The following RSPH14 variants were observed in gnomAD, a reference collection of about 807,000 sequenced individuals.
RSPH14 encodes the protein radial spoke head 14 homolog.
In RSPH14, 20 loss-of-function variants were observed where a neutral mutation model predicts 26.7. The ratio of observed to expected loss-of-function variants is 0.75; its 90% CI spans 0.53 to 1.09. The LOEUF (loss-of-function observed/expected upper bound fraction) is 1.09. Ranked by LOEUF, RSPH14 falls within the 50% of genes least tolerant of loss-of-function variation. The probability of loss-of-function intolerance (pLI) is 0.00; values close to 1 mark genes in which losing one functional copy is unlikely to be tolerated. For missense variants in RSPH14, 449 were observed against 457.2 expected (o/e 0.98, Z 0.16); for synonymous variants, 177 against 189.3 (o/e 0.93, Z 0.53).
At chr22:23,122,812 A>G (rs1460063685) in intron 4 of RSPH14, 2 of 522,336 alleles carry the variant, frequency 3.8e-6, no homozygotes, top group African/African-American at 3.8e-5. Flanking sequence ...CCAAAGCTAT[A>G]TGTTGAGATC....
At chr22:23,092,055 G>T (rs1235939015) in intron 4 of RSPH14, among the ~76,000 whole-genome samples, 1 of 152,200 alleles carries the variant, frequency 6.6e-6, no homozygotes, top group East Asian at 1.9e-4. Context: ...AGGCACTGTG[G>T]TGGGGGGTCC....
intron 4 of RSPH14, chr22:23,096,497 G>T: frequency 1.4e-6 from 2 of 1,423,092 alleles, no homozygotes; most frequent in South Asian, 1.3e-5. Flanking sequence ...GTGAGGTCCA[G>T]GACAGTCTGC....
At chr22:23,123,649 A>C in intron 4 of RSPH14, 1 of 566,194 alleles carries the variant, frequency 1.8e-6, no homozygotes, top group Non-Finnish European at 3.2e-6. Context: ...ACACACACAC[A>C]TCTGGAGATG....
intron 3 of RSPH14, chr22:23,136,237 T>C (rs2070481433): frequency 2.8e-6 from 2 of 711,936 alleles, no homozygotes; most frequent in South Asian, 3.0e-5. Context: ...CTCTTGTCCG[T>C]GGGATGTCAT....
chr22:23,138,943 C>CTA lies in RSPH14; in HGVS notation c.200-3_200-2dup. On this transcript the variant is annotated splice_acceptor_variant, in intron 2 of 6. Coordinates refer to ENST00000216036, the MANE Select transcript of RSPH14 (RefSeq NM_014433.3). LOFTEE classifies it high-confidence loss of function. ...AAAGCTTTCAGGTTCTCCATACAGC[C>CTA]TAGAAAAAAAAAAAAAAACAAACAA... The CTA allele has an allele frequency of 1.1e-5, 15 of 1,416,276 alleles. No individual in the cohort carries two copies. Among genetic ancestry groups the CTA allele is most frequent in the Non-Finnish European group, 1.3e-5 (14 of 1,063,526 alleles). 87.7% of individuals were successfully genotyped at this position (1,416,276 alleles called of 1,614,324 possible). A position where few individuals can be genotyped will look rare whatever the true frequency, so the allele number is the denominator to read the frequency against.
At chr22:23,086,162 A>G (rs1248005732) in intron 4 of RSPH14, among the ~76,000 whole-genome samples, 2 of 152,266 alleles carry the variant, frequency 1.3e-5, no homozygotes, top group African/African-American at 4.8e-5. Flanking sequence ...AAGGCAGTCA[A>G]TTTAAAGAAA....
In RSPH14 at chr22:23,101,052, A is replaced by G. The variant is rs540573908; in HGVS notation, c.421+32974T>C. Among the ~76,000 whole-genome samples, 3 of 152,344 alleles carry G rather than the reference A, an allele frequency of 2.0e-5. No individual in the cohort carries two copies. The East Asian group carries it at 5.8e-4, about 29-fold the overall frequency. On this transcript the variant is annotated intron_variant, in intron 4 of 6. Transcript: ENST00000216036. ...TTTCCAGTAAGACAGGCTTATACCT[A>G]TTGATGACAGAGCTGGTTATATTTG...
At chr22:23,143,330 A>G (rs56231625), upstream of RSPH14, among the ~76,000 whole-genome samples, 15 of 145,392 alleles carry the variant, frequency 1.0e-4, no homozygotes, top group South Asian at 2.1e-4. Context: ...TAAATAAATA[A>G]ATAGATATAA....
rs550128793 is a variant in RSPH14, at chr22:23,091,957, C to T, written c.422-27824G>A. ...CTTTCATCCCTAACACACATCCCCA[C>T]ACACCGCAGGGCCTTACAGCATGTT... is the stretch of plus-strand genomic sequence containing the variant. On this transcript the variant is annotated intron_variant, in intron 4 of 6. Transcript: ENST00000216036. Among the ~76,000 whole-genome samples, 6 of 152,258 alleles carry T rather than the reference C, an allele frequency of 3.9e-5. No individual in the cohort carries two copies. The East Asian group carries it at 1.2e-3, about 29-fold the overall frequency.
the RSPH14 span, among the ~76,000 whole-genome samples, chr22:23,168,705 C>T: frequency 1.1e-4 from 17 of 152,310 alleles, 1 homozygote; most frequent in Admixed American, 1.0e-3. Flanking sequence ...TGGCCTCCTC[C>T]CCTTTGTCCA....
intron 4 of RSPH14, chr22:23,123,318 G>A (rs1601842799): frequency 6.2e-7 from 1 of 1,614,060 alleles, no homozygotes; most frequent in Non-Finnish European, 8.5e-7. Context: ...GGAGACCAAG[G>A]AGATCTACTC....
At chr22:23,099,772 AG>A (rs954761136) in intron 4 of RSPH14, among the ~76,000 whole-genome samples, 7 of 152,232 alleles carry the variant, frequency 4.6e-5, no homozygotes, top group Non-Finnish European at 1.0e-4. Flanking sequence ...TAGGAGGGAA[AG>A]GCAAAGTGGA....
In RSPH14 at chr22:23,123,551, C is replaced by T. The variant is rs970125477; in HGVS notation, c.421+10475G>A. On this transcript the variant is annotated intron_variant, in intron 4 of 6. Coordinates refer to ENST00000216036, the MANE Select transcript of RSPH14 (RefSeq NM_014433.3). ...AGGGGGCCTAAAGAATGTCCCCCAC[C>T]CCTTGGCCTCTGCCTCCTTGGCCCC... The T allele has an allele frequency of 9.4e-6, 6 of 638,784 alleles. No individual in the cohort carries two copies. In the African/African-American group the frequency reaches 1.1e-4, roughly 12 times the overall value. 39.6% of individuals were successfully genotyped at this position (638,784 alleles called of 1,614,324 possible).
the RSPH14 span, chr22:23,160,896 T>A: frequency 6.2e-7 from 1 of 1,613,748 alleles, no homozygotes; most frequent in Non-Finnish European, 8.5e-7. Flanking sequence ...CGTGAAGGCA[T>A]TCTTCAGCCG....
intron 4 of RSPH14, among the ~76,000 whole-genome samples, chr22:23,068,647 T>C (rs1164345794): frequency 6.6e-6 from 1 of 152,226 alleles, no homozygotes; most frequent in African/African-American, 2.4e-5. Flanking sequence ...CATGTGGGCT[T>C]ACCTCTGCAA....
intron 4 of RSPH14, among the ~76,000 whole-genome samples, chr22:23,104,068 G>T (rs1266435811): frequency 6.6e-6 from 1 of 152,018 alleles, no homozygotes; most frequent in Non-Finnish European, 1.5e-5. Context: ...CGTGGGGGTG[G>T]TGATCTGATC....
intron 4 of RSPH14, among the ~76,000 whole-genome samples, chr22:23,079,551 G>A (rs116036060): frequency 3.7e-4 from 56 of 152,314 alleles, no homozygotes; most frequent in African/African-American, 1.3e-3. Flanking sequence ...GTCTGCCCAT[G>A]TCAAGCAAGC....
chr22:23,151,591 C>A, the RSPH14 span, among the ~76,000 whole-genome samples: 1 of 152,130 alleles, frequency 6.6e-6, no homozygotes, highest in Non-Finnish European at 1.5e-5. Flanking sequence ...AAAGTGTTGT[C>A]AACAGTCCCA....
At chr22:23,142,330 T>C (rs958177661), upstream of RSPH14, among the ~76,000 whole-genome samples, 2 of 152,200 alleles carry the variant, frequency 1.3e-5, no homozygotes, top group African/African-American at 4.8e-5. Flanking sequence ...CCCAATTTTT[T>C]TTTTTGACGG....
Sources: gnomAD v4.1 joint callset for allele counts (sites outside exome capture counted in the v4.1 genomes callset) on GRCh38, gnomAD v4.1.1 for gene constraint, MANE v1.5 for transcripts, NCBI Gene and HGNC (gene_info 2026-07-23, HGNC 2026-07-21) for gene names.